The following C10orf67 variants were observed in gnomAD, a reference collection of about 807,000 sequenced individuals.
C10orf67 encodes uncharacterized protein C10orf67, mitochondrial.
C10orf67 carries 60 observed loss-of-function variants against 35.6 expected under a neutral mutation model. The observed-to-expected ratio is 1.68, with a 90% CI of 1.37 to 2.09. C10orf67 has a LOEUF of 2.09. Among genes scored for constraint, C10orf67 ranks in the 30% most tolerant of loss-of-function variants. The pLI is 0.00. For missense variants in C10orf67, 474 were observed against 330.2 expected (o/e 1.44, Z -3.38); for synonymous variants, 167 against 115.8 (o/e 1.44, Z -2.84).
Position 23,250,668 on chromosome 10 carries a change from C to A in C10orf67, c.1224G>T (p.Glu408Asp). The change falls in exon 11 of 16, where the codon GAG becomes GAT. Residue 408 changes from glutamate to aspartate, a missense_variant. Physicochemically the swap from Glu to Asp is conservative, Grantham distance 45. Transcript: ENST00000636213. ...TTGCCTTTAATGCTTCTATTTGAGA[C>A]TCCAAACCATGTTTGTCTTCAACCT... is the stretch of plus-strand genomic sequence containing the variant. ...QAVVEDKHGL[E>D]SQIEALKANL... 1 of 398,602 alleles carries A rather than the reference C, an allele frequency of 2.5e-6. No individual in the cohort carries two copies. Among genetic ancestry groups the A allele is most frequent in the East Asian group, 3.6e-5 (1 of 27,952 alleles). The allele number at this position is 398,602 out of a possible 1,614,324, so 24.7% of individuals were successfully genotyped here. A position where few individuals can be genotyped will look rare whatever the true frequency, so the allele number is the denominator to read the frequency against.
In C10orf67 at chr10:23,320,721, C is replaced by T; in HGVS notation, c.546+20G>A. On this transcript the variant is annotated intron_variant, in intron 4 of 15. Transcript: ENST00000636213. ...AAGCTAGCCTTGCCCACAACTACGG[C>T]ACCAGAAACAGAAACTCACCTGGTA... is the stretch of plus-strand genomic sequence containing the variant. The T allele has an allele frequency of 6.4e-7, 1 of 1,565,820 alleles. No homozygotes were observed. Among genetic ancestry groups the T allele is most frequent in the Non-Finnish European group, 8.7e-7 (1 of 1,149,658 alleles).
rs953901028 is a variant in C10orf67, at chr10:23,204,878, A to C, written c.1571-623T>G. ...GTTGGGGGTCTGAGACAGGAAAGCC[A>C]CAACATGGGATGTGATGTTCCAGCT... is the stretch of plus-strand genomic sequence containing the variant. On this transcript the variant is annotated intron_variant, in intron 15 of 15. Transcript: ENST00000636213. 4.6e-5 allele frequency among the ~76,000 whole-genome samples: 7 copies of C among 152,258 alleles called. No homozygotes were observed. The East Asian group carries it at 9.7e-4, about 21-fold the overall frequency.
At chr10:23,320,638 A>G (rs1844911642) in intron 4 of C10orf67, 103 bp downstream of exon 4, 2 of 835,734 alleles carry the variant, frequency 2.4e-6, no homozygotes, top group Non-Finnish European at 3.8e-6. Context: ...AGGCCTTCAG[A>G]GCTGGAAACA....
Position 23,229,073 on chromosome 10 carries a change from T to G in C10orf67, c.1435-5255A>C, listed in dbSNP as rs1371994289. On this transcript the variant is annotated intron_variant, in intron 13 of 15. Transcript: ENST00000636213. ...TAGAAATACCATTTGACCCAGCCAT[T>G]CCATTACTGGCTATATACCCAAATG... 2.6e-5 allele frequency among the ~76,000 whole-genome samples: 4 copies of G among 151,978 alleles called. No individual in the cohort carries two copies. In the East Asian group the frequency reaches 7.7e-4, roughly 29 times the overall value.
intron 1 of C10orf67, among the ~76,000 whole-genome samples, chr10:23,339,838 C>T (rs1350116041): frequency 6.6e-6 from 1 of 152,148 alleles, no homozygotes; most frequent in Non-Finnish European, 1.5e-5. Flanking sequence ...GAGGTTTCTG[C>T]CTCCTGTCTG....
chr10:23,207,842 T>C (rs1000323069), intron 15 of C10orf67, among the ~76,000 whole-genome samples: 1 of 152,196 alleles, frequency 6.6e-6, no homozygotes, highest in Non-Finnish European at 1.5e-5. Flanking sequence ...TAGAGATCAT[T>C]GGTGAAACGG....
At chr10:23,316,010 G>A (rs1218451293) in intron 4 of C10orf67, among the ~76,000 whole-genome samples, 6 of 152,178 alleles carry the variant, frequency 3.9e-5, no homozygotes, top group African/African-American at 1.4e-4. Context: ...TGCTTTGCCA[G>A]CCAGAAACCT....
chr10:23,272,225 T>C (rs958233177), intron 8 of C10orf67, among the ~76,000 whole-genome samples: 1 of 152,246 alleles, frequency 6.6e-6, no homozygotes, highest in Non-Finnish European at 1.5e-5. Flanking sequence ...CTAAACTTTT[T>C]AAATTTTTGA....
chr10:23,271,378 A>G (rs1450881218), intron 8 of C10orf67, among the ~76,000 whole-genome samples: 4 of 152,224 alleles, frequency 2.6e-5, no homozygotes, highest in Non-Finnish European at 4.4e-5. Flanking sequence ...TGCTATAAAC[A>G]TTTGTGACCC....
intron 13 of C10orf67, among the ~76,000 whole-genome samples, chr10:23,239,106 C>G (rs749683426): frequency 2.0e-5 from 3 of 152,136 alleles, no homozygotes; most frequent in African/African-American, 4.8e-5. Context: ...CCTCAGAGCA[C>G]TTAGCATCAC....
intron 13 of C10orf67, among the ~76,000 whole-genome samples, chr10:23,227,414 A>AT (rs1294714262): frequency 1.3e-5 from 2 of 152,198 alleles, no homozygotes; most frequent in Admixed American, 1.3e-4. Context: ...CTCTCAATAA[A>AT]TTAGGTATTG....
chr10:23,251,422 C>T (rs1462380618), intron 10 of C10orf67, among the ~76,000 whole-genome samples: 1 of 152,218 alleles, frequency 6.6e-6, no homozygotes, highest in Non-Finnish European at 1.5e-5. Flanking sequence ...AAGAAAGGAT[C>T]TACCAACTGA....
At chr10:23,260,276 C>A (rs960014846) in intron 10 of C10orf67, among the ~76,000 whole-genome samples, 1 of 152,022 alleles carries the variant, frequency 6.6e-6, no homozygotes, top group Admixed American at 6.6e-5. Context: ...TCAATGCAGA[C>A]TCAGAATATA....
intron 4 of C10orf67, among the ~76,000 whole-genome samples, chr10:23,313,489 A>T (rs1844571964): frequency 6.6e-6 from 1 of 152,202 alleles, no homozygotes; most frequent in South Asian, 2.1e-4. Flanking sequence ...TTTGTCAAAA[A>T]CCTATTACAT....
chr10:23,322,424 C>T lies in C10orf67; in HGVS notation c.441G>A (p.Arg147=). The part of the protein sequence containing the change: ...SLSLFTILHD[R]ILEIEKHYQQ... ...GATAATGCTTTTCAATTTCTAGGATCCTGTCATGCAGAATGGTGAAGAGAC... is the reference window on the plus strand; with the variant it reads ...GATAATGCTTTTCAATTTCTAGGATTCTGTCATGCAGAATGGTGAAGAGAC... The change falls in exon 3 of 16, where the codon AGG becomes AGA. Residue 147 remains arginine, a synonymous_variant. Transcript: ENST00000636213. 6.2e-7 allele frequency: 1 copy of T among 1,609,138 alleles called. No homozygotes were observed. The highest frequency in any genetic ancestry group is 8.5e-7 in the Non-Finnish European group (1 of 1,175,752).
At chr10:23,344,071 G>A in intron 1 of C10orf67, 1 of 270,068 alleles carries the variant, frequency 3.7e-6, no homozygotes, top group Non-Finnish European at 8.0e-6. Context: ...CCCGGCGTCC[G>A]TTGCCATGGC....
chr10:23,302,012 C>T (rs943587947), intron 5 of C10orf67, among the ~76,000 whole-genome samples: 5 of 152,050 alleles, frequency 3.3e-5, no homozygotes, highest in East Asian at 1.9e-4. Context: ...TCTGCGATGG[C>T]GGCAAACAGC....
At chr10:23,247,931 G>T (rs1370465434) in intron 12 of C10orf67, among the ~76,000 whole-genome samples, 3 of 152,150 alleles carry the variant, frequency 2.0e-5, no homozygotes, top group African/African-American at 7.2e-5. Context: ...GAGCAGTGTA[G>T]AGTTTCTGTT....
chr10:23,273,005 T>A (rs535929645), intron 8 of C10orf67, among the ~76,000 whole-genome samples: 2 of 152,256 alleles, frequency 1.3e-5, no homozygotes, highest in African/African-American at 4.8e-5. Flanking sequence ...TGCTTATATA[T>A]AGAAGTACAA....
Sources: allele counts gnomAD v4.1 joint callset (sites outside exome capture counted in the v4.1 genomes callset), GRCh38; gene constraint gnomAD v4.1.1; transcripts MANE v1.5; gene names NCBI Gene and HGNC (gene_info 2026-07-23, HGNC 2026-07-21).